BAD: variants seen among roughly 807,000 people sequenced by gnomAD.
BAD encodes the protein BCL2 associated agonist of cell death, also known as bcl2-associated agonist of cell death.
In BAD, 18 loss-of-function variants were observed where a neutral mutation model predicts 17.8. The ratio of observed to expected loss-of-function variants is 1.01; its 90% CI spans 0.70 to 1.50. The LOEUF (loss-of-function observed/expected upper bound fraction) is 1.50, where lower values mean the gene tolerates loss of function less well. BAD is among the 40% of genes most tolerant of loss of function. The probability of loss-of-function intolerance (pLI) is 0.00; values close to 1 mark genes in which losing one functional copy is unlikely to be tolerated. For synonymous variants in BAD, 112 were observed against 91.5 expected (o/e 1.22, Z -1.28); for missense variants, 294 against 239.3 (o/e 1.23, Z -1.51).
intron 2 of BAD, among the ~76,000 whole-genome samples, chr11:64,283,794 C>CTA (rs151169982): frequency 0.028 from 4,181 of 150,798 alleles, 64 homozygotes; most frequent in Non-Finnish European, 0.033. Context: ...CTAATAGCTG[C>CTA]TATATATATA....
intron 2 of BAD, among the ~76,000 whole-genome samples, chr11:64,281,505 A>G (rs1409141247): frequency 6.6e-6 from 1 of 152,190 alleles, no homozygotes; most frequent in African/African-American, 2.4e-5. Flanking sequence ...ATGACCTTCA[A>G]CTTTAGGTCT....
Position 64,284,307 on chromosome 11 carries a change from C to A in BAD, c.62G>T (p.Gly21Val), listed in dbSNP as rs1251482496. 2 of 1,612,324 alleles carry A rather than the reference C, an allele frequency of 1.2e-6. No individual in the cohort carries two copies. Among genetic ancestry groups the A allele is most frequent in the East Asian group, 4.5e-5 (2 of 44,844 alleles). ...GTCCCCTGCGGGGCTGGGGCCCAGG[C>A]CCCTCTCTGCAGAGCTGGAGTCTTC... ...EQEDSSSAER[G>V]LGPSPAGDGP... The change falls in exon 2 of 4, where the codon GGC becomes GTC. Residue 21 changes from glycine to valine, a missense_variant. Gly to Val is a moderately radical substitution (Grantham distance 109, BLOSUM62 -3). Coordinates refer to ENST00000309032, the MANE Select transcript of BAD (RefSeq NM_032989.3).
intron 2 of BAD, among the ~76,000 whole-genome samples, chr11:64,277,857 G>A (rs2033174677): frequency 2.0e-5 from 3 of 152,208 alleles, no homozygotes; most frequent in Admixed American, 2.0e-4. Context: ...AGAGCTGAAA[G>A]GAAACCATAA....
chr11:64,275,309 C>T (rs1565347260), intron 2 of BAD, among the ~76,000 whole-genome samples: 2 of 152,288 alleles, frequency 1.3e-5, no homozygotes, highest in Admixed American at 6.5e-5. Flanking sequence ...GGGGCACTGA[C>T]GGAACAGGCC....
At chr11:64,274,707 G>C (rs1277647253) in intron 2 of BAD, among the ~76,000 whole-genome samples, 1 of 152,102 alleles carries the variant, frequency 6.6e-6, no homozygotes, top group African/African-American at 2.4e-5. Context: ...TGTAATCCCA[G>C]CTACTCAGGA....
At chr11:64,278,681 T>C (rs2033228204) in intron 2 of BAD, among the ~76,000 whole-genome samples, 1 of 152,146 alleles carries the variant, frequency 6.6e-6, no homozygotes, top group Admixed American at 6.6e-5. Flanking sequence ...GGGCTGCTTC[T>C]TTCTGCCTCT....
At chr11:64,278,808 A>C (rs907417794) in intron 2 of BAD, among the ~76,000 whole-genome samples, 6 of 152,188 alleles carry the variant, frequency 3.9e-5, no homozygotes, top group African/African-American at 1.4e-4. Flanking sequence ...GGTGGCAGGG[A>C]CTATGAGGAG....
At chr11:64,274,992 CAAAAAAA>C (rs34418386) in intron 2 of BAD, among the ~76,000 whole-genome samples, 2 of 54,396 alleles carry the variant, frequency 3.7e-5, no homozygotes, top group African/African-American at 9.2e-5. Flanking sequence ...GACTTTGTCT[CAAAAAAA>C]AAAAAAAAAA....
chr11:64,280,226 A>G (rs1470460237), intron 2 of BAD, among the ~76,000 whole-genome samples: 3 of 150,768 alleles, frequency 2.0e-5, no homozygotes, highest in Non-Finnish European at 4.4e-5. Context: ...AGGCTGAGGC[A>G]GGAGAATGGC....
At chr11:64,270,386 C>A in intron 3 of BAD, 49 bp from the exon 4 acceptor site, 1 of 1,504,838 alleles carries the variant, frequency 6.6e-7, no homozygotes. Context: ...CATGGCAGCT[C>A]GAGCCAGGCT....
chr11:64,273,905 G>A (rs1346734445), intron 2 of BAD, among the ~76,000 whole-genome samples: 3 of 149,918 alleles, frequency 2.0e-5, no homozygotes, highest in Non-Finnish European at 4.4e-5. Context: ...GAAACATGCT[G>A]GGTGTTTATG....
At chr11:64,275,171 G>A (rs2032966207) in intron 2 of BAD, among the ~76,000 whole-genome samples, 1 of 151,616 alleles carries the variant, frequency 6.6e-6, no homozygotes, top group African/African-American at 2.4e-5. Context: ...GGTGGCAGTG[G>A]GGAGAGGCAT....
At chr11:64,276,692 C>A in intron 2 of BAD, 1 of 537,520 alleles carries the variant, frequency 1.9e-6, no homozygotes, top group Non-Finnish European at 3.3e-6. Context: ...TCTGTGAATT[C>A]CCTGGGGGAA....
intron 3 of BAD, 75 bp downstream of exon 3, chr11:64,271,538 G>C: frequency 1.5e-6 from 2 of 1,335,712 alleles, no homozygotes; most frequent in African/African-American, 1.5e-5. Context: ...GGCGTGCCTT[G>C]GGACAAGGCA....
Position 64,284,308 on chromosome 11 carries a change from C to T in BAD, c.61G>A (p.Gly21Ser), listed in dbSNP as rs762208923. Reference sequence around the variant, plus strand: ...TCCCCTGCGGGGCTGGGGCCCAGGCCCCTCTCTGCAGAGCTGGAGTCTTCC... The same window carrying T: ...TCCCCTGCGGGGCTGGGGCCCAGGCTCCTCTCTGCAGAGCTGGAGTCTTCC... ...EQEDSSSAER[G>S]LGPSPAGDGP... The change falls in exon 2 of 4, where the codon GGC becomes AGC. Residue 21 changes from glycine (G) to serine (S), a missense_variant. Physicochemically the swap from Gly to Ser is moderately conservative, Grantham distance 56 (BLOSUM62 0). Coordinates refer to ENST00000309032, the MANE Select transcript of BAD (RefSeq NM_032989.3). 1.9e-6 allele frequency: 3 copies of T among 1,612,310 alleles called. No individual in the cohort carries two copies. Among genetic ancestry groups the T allele is most frequent in the Non-Finnish European group, 2.5e-6 (3 of 1,179,950 alleles).
intron 3 of BAD, chr11:64,270,567 G>T: frequency 1.4e-6 from 1 of 710,238 alleles, no homozygotes; most frequent in African/African-American, 1.7e-5. Flanking sequence ...CGGGAAGAGA[G>T]GATGCCTAGG....
intron 2 of BAD, chr11:64,272,896 T>G (rs1181135640): frequency 6.6e-6 from 1 of 152,248 alleles, no homozygotes; most frequent in Non-Finnish European, 1.5e-5. Context: ...TGACTCCCAG[T>G]GGCTGTGTGA....
chr11:64,271,539 G>A lies in BAD; in HGVS notation c.378+74C>T, dbSNP rs1023132976. The A allele has an allele frequency of 2.1e-5, 28 of 1,331,476 alleles. No individual in the cohort carries two copies. In the Admixed American group the frequency reaches 9.7e-4, roughly 46 times the overall value. 82.5% of individuals were successfully genotyped at this position (1,331,476 alleles called of 1,614,324 possible). ...GGACTCCAGATCCGGGCGTGCCTTGGGACAAGGCAGGGACAGACCGGCGGG... is the reference window on the plus strand; with the variant it reads ...GGACTCCAGATCCGGGCGTGCCTTGAGACAAGGCAGGGACAGACCGGCGGG... On this transcript the variant is annotated intron_variant, in intron 3 of 3. Transcript: ENST00000309032.
intron 2 of BAD, among the ~76,000 whole-genome samples, chr11:64,272,189 C>G (rs1478445031): frequency 6.6e-6 from 1 of 152,060 alleles, no homozygotes; most frequent in Admixed American, 6.5e-5. Flanking sequence ...CATAGTGGCA[C>G]GTGCCTATAG....
Sources: gnomAD v4.1 joint callset for allele counts (sites outside exome capture counted in the v4.1 genomes callset) on GRCh38, gnomAD v4.1.1 for gene constraint, MANE v1.5 for transcripts, NCBI Gene and HGNC (gene_info 2026-07-23, HGNC 2026-07-21) for gene names.